The following KHDRBS2 variants were observed in gnomAD, a reference collection of about 807,000 sequenced individuals.
The protein encoded by KHDRBS2 is KH RNA binding domain containing, signal transduction associated 2.
A neutral mutation model predicts 44.3 loss-of-function variants in KHDRBS2; 26 were observed. The observed-to-expected ratio is 0.59, with a 90% CI of 0.43 to 0.81. The LOEUF is 0.81. KHDRBS2 is among the 40% of genes least tolerant of loss of function. The pLI, the probability that KHDRBS2 is intolerant of heterozygous loss-of-function variation, is 0.00. For synonymous variants in KHDRBS2, 194 were observed against 151.1 expected (o/e 1.28, Z -2.08); for missense variants, 476 against 433.1 (o/e 1.10, Z -0.88).
chr6:61,655,804 C>A, the KHDRBS2 span, among the ~76,000 whole-genome samples: 1 of 152,048 alleles, frequency 6.6e-6, no homozygotes, highest in Middle Eastern at 3.4e-3. Context: ...TCAGAAAATC[C>A]TTGAATTGTC....
chr6:61,854,191 T>C lies in KHDRBS2; in HGVS notation c.810+40444A>G, dbSNP rs554402028. 6.6e-5 allele frequency among the ~76,000 whole-genome samples: 10 copies of C among 152,306 alleles called. No individual in the cohort carries two copies. In the South Asian group the frequency reaches 2.1e-3, roughly 32 times the overall value. On this transcript the variant is annotated intron_variant, in intron 6 of 8. Coordinates refer to ENST00000281156, the MANE Select transcript of KHDRBS2 (RefSeq NM_152688.4). Reference sequence around the variant, plus strand: ...GAATTTTGTTTGCTCCATGGCAATTTCATCATAATACTTGAAATTTTTTTT... The same window carrying C: ...GAATTTTGTTTGCTCCATGGCAATTCCATCATAATACTTGAAATTTTTTTT...
At chr6:61,562,568 T>C in the KHDRBS2 span, among the ~76,000 whole-genome samples, 10 of 152,160 alleles carry the variant, frequency 6.6e-5, no homozygotes, top group Non-Finnish European at 1.3e-4. Context: ...ATAAATCCTT[T>C]AGGAAACCAG....
At chr6:62,263,115 A>C (rs1475061214) in intron 1 of KHDRBS2, among the ~76,000 whole-genome samples, 1 of 151,740 alleles carries the variant, frequency 6.6e-6, no homozygotes, top group East Asian at 1.9e-4. Flanking sequence ...ACTCATTAGT[A>C]ATTTACAATT....
chr6:61,876,606 G>A (rs956769523), intron 6 of KHDRBS2, among the ~76,000 whole-genome samples: 2 of 152,048 alleles, frequency 1.3e-5, no homozygotes, highest in Non-Finnish European at 2.9e-5. Context: ...AAATGAGATT[G>A]TTTTCTCCTT....
chr6:61,639,737 T>C, the KHDRBS2 span, among the ~76,000 whole-genome samples: 2 of 152,152 alleles, frequency 1.3e-5, no homozygotes, highest in African/African-American at 4.8e-5. Context: ...TACACTGTCC[T>C]GTACATAGTA....
intron 6 of KHDRBS2, among the ~76,000 whole-genome samples, chr6:61,858,408 A>T (rs1796450183): frequency 6.6e-6 from 1 of 151,702 alleles, no homozygotes; most frequent in Admixed American, 6.6e-5. Flanking sequence ...AAGTTTTTTT[A>T]TTTCTCAATA....
intron 4 of KHDRBS2, among the ~76,000 whole-genome samples, chr6:61,935,217 T>G (rs1025905023): frequency 1.3e-5 from 2 of 152,206 alleles, no homozygotes; most frequent in African/African-American, 4.8e-5. Context: ...AAATGTTCCC[T>G]AAGAGATAGC....
At position 62,208,024 on chromosome 6, in the gene KHDRBS2, AC is replaced by A. The variant is rs370938758; in HGVS notation, c.92-30713del. 1.7e-3 allele frequency among the ~76,000 whole-genome samples: 261 copies of A among 152,218 alleles called. 7 individuals are homozygous for A. In the South Asian group the frequency reaches 0.051, roughly 30 times the overall value. On this transcript the variant is annotated intron_variant, in intron 1 of 8. Transcript: ENST00000281156. Reference sequence around the variant, plus strand: ...CACATCTGCTATTTTATAGACTTTGACCCACATCTCCTCATTTTCTCTGCCC... The same window carrying A: ...CACATCTGCTATTTTATAGACTTTGACCACATCTCCTCATTTTCTCTGCCC...
chr6:62,103,029 G>T (rs79322655), intron 2 of KHDRBS2, among the ~76,000 whole-genome samples: 17,887 of 152,072 alleles, frequency 0.12, 1,362 homozygotes, highest in South Asian at 0.16. Context: ...TGAGTCTGGG[G>T]TTTTTATGAG....
intron 2 of KHDRBS2, among the ~76,000 whole-genome samples, chr6:62,064,693 G>C (rs1793067753): frequency 2.0e-5 from 3 of 151,806 alleles, no homozygotes; most frequent in Non-Finnish European, 2.9e-5. Context: ...AGAAAACCTA[G>C]GCATTACCAT....
At chr6:61,568,532 A>G in the KHDRBS2 span, among the ~76,000 whole-genome samples, 1 of 152,194 alleles carries the variant, frequency 6.6e-6, no homozygotes, top group Admixed American at 6.5e-5. Context: ...GAAAAAAATC[A>G]CAGATCCTTT....
intron 6 of KHDRBS2, among the ~76,000 whole-genome samples, chr6:61,771,926 C>G (rs1336547328): frequency 6.6e-6 from 1 of 152,144 alleles, no homozygotes. Flanking sequence ...AAATTGACCA[C>G]ATAGTGGGAA....
chr6:62,018,831 A>T (rs1781735038), intron 3 of KHDRBS2, among the ~76,000 whole-genome samples: 1 of 152,216 alleles, frequency 6.6e-6, no homozygotes, highest in Admixed American at 6.5e-5. Context: ...TTTTAAAAAG[A>T]TTGAAATTCA....
At chr6:61,795,949 G>A (rs1362773657) in intron 6 of KHDRBS2, among the ~76,000 whole-genome samples, 1 of 152,092 alleles carries the variant, frequency 6.6e-6, no homozygotes, top group South Asian at 2.1e-4. Context: ...CAAAGAACAA[G>A]TGATAAAGTC....
At chr6:61,746,272 T>G (rs1266729498) in intron 6 of KHDRBS2, among the ~76,000 whole-genome samples, 1 of 152,108 alleles carries the variant, frequency 6.6e-6, no homozygotes, top group African/African-American at 2.4e-5. Context: ...AAGCCTCGCA[T>G]GCATTAAGTA....
chr6:61,646,801 T>G, the KHDRBS2 span, among the ~76,000 whole-genome samples: 2 of 152,062 alleles, frequency 1.3e-5, no homozygotes, highest in African/African-American at 4.8e-5. Flanking sequence ...AGAAAATGAA[T>G]ATATATGCTA....
intron 6 of KHDRBS2, among the ~76,000 whole-genome samples, chr6:61,796,656 T>A (rs1049982373): frequency 9.2e-5 from 14 of 152,142 alleles, no homozygotes; most frequent in Admixed American, 2.6e-4. Context: ...GCTTAAAAAA[T>A]TTGAAAAAAG....
At chr6:62,145,502 T>C (rs12206638) in intron 2 of KHDRBS2, among the ~76,000 whole-genome samples, 3,143 of 151,940 alleles carry the variant, frequency 0.021, 39 homozygotes, top group Non-Finnish European at 0.035. Flanking sequence ...CAGTGTTTTC[T>C]AGCCAATAAT....
At chr6:61,671,269 C>A in the KHDRBS2 span, among the ~76,000 whole-genome samples, 2 of 151,538 alleles carry the variant, frequency 1.3e-5, no homozygotes, top group African/African-American at 4.8e-5. Context: ...AGATCCTTCA[C>A]TATATTCCAT....
Sources: gnomAD v4.1 joint callset for allele counts (sites outside exome capture counted in the v4.1 genomes callset) on GRCh38, gnomAD v4.1.1 for gene constraint, MANE v1.5 for transcripts, NCBI Gene and HGNC (gene_info 2026-07-23, HGNC 2026-07-21) for gene names.